GABBR2: variants seen among roughly 807,000 people sequenced by gnomAD.
The protein encoded by GABBR2 is gamma-aminobutyric acid type B receptor subunit 2, also known as G-protein coupled receptor 51.
GABBR2 carries 23 observed loss-of-function variants against 105.6 expected under a neutral mutation model. The observed-to-expected ratio is 0.22, with a 90% CI of 0.16 to 0.31. The LOEUF (loss-of-function observed/expected upper bound fraction) is 0.31. Ranked by LOEUF, GABBR2 falls within the 10% of genes least tolerant of loss-of-function variation. The pLI, the probability that GABBR2 is intolerant of heterozygous loss-of-function variation, is 1.00. For synonymous variants in GABBR2, 478 were observed against 499.7 expected (o/e 0.96, Z 0.58); for missense variants, 734 against 1,245.5 (o/e 0.59, Z 6.18).
chr9:98,447,725 A>G (rs1479721894), intron 7 of GABBR2, among the ~76,000 whole-genome samples: 2 of 151,780 alleles, frequency 1.3e-5, no homozygotes, highest in African/African-American at 4.8e-5. Context: ...CTGGCTACCT[A>G]GTTTGACCTT....
chr9:98,536,207 C>G (rs775081114), intron 3 of GABBR2, among the ~76,000 whole-genome samples: 1 of 152,160 alleles, frequency 6.6e-6, no homozygotes, highest in Non-Finnish European at 1.5e-5. Flanking sequence ...ATGACCATGT[C>G]CCTGGGAGTG....
rs112407620 is a variant in GABBR2 at position 98,411,601 on chromosome 9, G to T, written c.1237-5460C>A. Among the ~76,000 whole-genome samples the T allele has an allele frequency of 3.1e-3, 473 of 151,548 alleles. 4 individuals carry two copies. The highest frequency in any genetic ancestry group is 0.011 in the African/African-American group (457 of 41,278). On this transcript the variant is annotated intron_variant, in intron 7 of 18. Coordinates refer to ENST00000259455, the MANE Select transcript of GABBR2 (RefSeq NM_005458.8). ...TTTTGAGACAGGGTATTGCTCTGCT[G>T]CCCAGGCTAGAGAGTAGTGGTACCA...
rs186869066 is a variant in GABBR2 at position 98,580,530 on chromosome 9, G to A, written c.322-2458C>T. Among the ~76,000 whole-genome samples, 11 of 152,334 alleles carry A rather than the reference G, an allele frequency of 7.2e-5. No homozygotes were observed. In the East Asian group the frequency reaches 1.2e-3, roughly 16 times the overall value. On this transcript the variant is annotated intron_variant, in intron 1 of 18. Transcript: ENST00000259455. Reference sequence around the variant, plus strand: ...GGGCCAGGCGCGAAGGCTCACGCCCGTAATCCTAGCACTTTGGGAGGCTGA... The same window carrying A: ...GGGCCAGGCGCGAAGGCTCACGCCCATAATCCTAGCACTTTGGGAGGCTGA...
chr9:98,485,371 CT>C (rs1827021934), intron 4 of GABBR2, among the ~76,000 whole-genome samples: 1 of 152,134 alleles, frequency 6.6e-6, no homozygotes, highest in African/African-American at 2.4e-5. Flanking sequence ...TAAACTCCCT[CT>C]GGAGAGGAGT....
At chr9:98,508,776 C>G (rs1286780937) in intron 3 of GABBR2, among the ~76,000 whole-genome samples, 1 of 130,194 alleles carries the variant, frequency 7.7e-6, no homozygotes, top group African/African-American at 2.8e-5. Context: ...GCAGGAAACT[C>G]CAACTGGGTG....
At chr9:98,582,838 G>A (rs1352173385) in intron 1 of GABBR2, among the ~76,000 whole-genome samples, 2 of 151,992 alleles carry the variant, frequency 1.3e-5, no homozygotes, top group Admixed American at 1.3e-4. Context: ...TCCCCTTCTT[G>A]GTGTGTGAAA....
intron 2 of GABBR2, among the ~76,000 whole-genome samples, chr9:98,571,831 GA>G (rs1228325100): frequency 6.6e-6 from 1 of 152,198 alleles, no homozygotes; most frequent in African/African-American, 2.4e-5. Context: ...TTGCTTGCAG[GA>G]GGTGGAAACG....
At chr9:98,537,831 T>G (rs1024106526) in intron 3 of GABBR2, among the ~76,000 whole-genome samples, 12 of 152,240 alleles carry the variant, frequency 7.9e-5, no homozygotes, top group African/African-American at 2.9e-4. Context: ...CTATTAAAAG[T>G]GAAGAAAAGG....
intron 2 of GABBR2, among the ~76,000 whole-genome samples, chr9:98,560,410 CA>C (rs1381525089): frequency 2.8e-5 from 3 of 107,118 alleles, no homozygotes; most frequent in Non-Finnish European, 4.7e-5. Context: ...CATACACACA[CA>C]CACACATATA....
intron 2 of GABBR2, among the ~76,000 whole-genome samples, chr9:98,567,309 G>A (rs1828766471): frequency 6.6e-6 from 1 of 152,198 alleles, no homozygotes; most frequent in South Asian, 2.1e-4. Flanking sequence ...CAACAGGAAA[G>A]ACATGGGGTA....
At chr9:98,485,172 C>T (rs1273424155) in intron 4 of GABBR2, among the ~76,000 whole-genome samples, 1 of 152,080 alleles carries the variant, frequency 6.6e-6, no homozygotes, top group South Asian at 2.1e-4. Context: ...TGAGTTGGGG[C>T]AAATGAGATG....
At chr9:98,658,815 C>T (rs758455360) in intron 1 of GABBR2, among the ~76,000 whole-genome samples, 2 of 152,124 alleles carry the variant, frequency 1.3e-5, no homozygotes, top group Non-Finnish European at 2.9e-5. Context: ...TAGTACTAGT[C>T]GTGAGACCCC....
At chr9:98,380,618 G>A (rs1161086191) in intron 11 of GABBR2, among the ~76,000 whole-genome samples, 1 of 152,258 alleles carries the variant, frequency 6.6e-6, no homozygotes. Context: ...TACCCGCACA[G>A]TGTCCAGGGA....
intron 1 of GABBR2, among the ~76,000 whole-genome samples, chr9:98,648,077 C>CA: frequency 5.3e-5 from 2 of 37,616 alleles, no homozygotes; most frequent in African/African-American, 1.2e-4. Flanking sequence ...ATTAATCATA[C>CA]AGGGTGTGTG....
chr9:98,300,612 T>G (rs925004022), intron 16 of GABBR2, among the ~76,000 whole-genome samples: 2 of 152,208 alleles, frequency 1.3e-5, no homozygotes, highest in Non-Finnish European at 2.9e-5. Flanking sequence ...CATCCATGAT[T>G]CCTGGCTGCT....
At chr9:98,544,469 C>T (rs1030440630) in intron 2 of GABBR2, among the ~76,000 whole-genome samples, 3 of 152,108 alleles carry the variant, frequency 2.0e-5, no homozygotes, top group East Asian at 1.9e-4. Context: ...CACCCCAAGA[C>T]CGGTAAAGGT....
At chr9:98,606,946 T>C (rs1357922301) in intron 1 of GABBR2, 7 of 715,318 alleles carry the variant, frequency 9.8e-6, no homozygotes, top group South Asian at 6.0e-5. Flanking sequence ...TCTTCCTGCT[T>C]GCCCGCGGCT....
intron 3 of GABBR2, among the ~76,000 whole-genome samples, chr9:98,507,076 C>A (rs1316970875): frequency 2.0e-5 from 3 of 152,154 alleles, no homozygotes; most frequent in Non-Finnish European, 4.4e-5. Flanking sequence ...CAAATCAAAT[C>A]AAATCCCTCT....
chr9:98,321,507 G>T (rs1411522617), intron 13 of GABBR2, among the ~76,000 whole-genome samples: 1 of 152,194 alleles, frequency 6.6e-6, no homozygotes, highest in African/African-American at 2.4e-5. Context: ...ACCAGTGGCT[G>T]AACCACCTCT....
Sources: allele counts gnomAD v4.1 joint callset (sites outside exome capture counted in the v4.1 genomes callset), GRCh38; gene constraint gnomAD v4.1.1; transcripts MANE v1.5; gene names NCBI Gene and HGNC (gene_info 2026-07-23, HGNC 2026-07-21).